The following CNTNAP2 variants were observed in gnomAD, a reference collection of about 807,000 sequenced individuals.
CNTNAP2 encodes the protein contactin associated protein 2, also known as contactin-associated protein-like 2.
A neutral mutation model predicts 155.2 loss-of-function variants in CNTNAP2; 98 were observed. The ratio of observed to expected loss-of-function variants is 0.63; its 90% CI spans 0.54 to 0.75. CNTNAP2 has a LOEUF of 0.75. Ranked by LOEUF, CNTNAP2 falls within the 30% of genes least tolerant of loss-of-function variation. The pLI is 0.00. For missense variants in CNTNAP2, 1,727 were observed against 1,688.1 expected (o/e 1.02, Z -0.40); for synonymous variants, 651 against 631.2 (o/e 1.03, Z -0.47).
At chr7:147,789,805 A>G (rs903172139) in intron 13 of CNTNAP2, among the ~76,000 whole-genome samples, 1 of 152,144 alleles carries the variant, frequency 6.6e-6, no homozygotes, top group African/African-American at 2.4e-5. Context: ...CTTGAACATC[A>G]GATTCCAAGT....
At chr7:147,396,167 CATATATATATATAGCATAT>C (rs1413050243) in intron 10 of CNTNAP2, among the ~76,000 whole-genome samples, 1 of 91,398 alleles carries the variant, frequency 1.1e-5, no homozygotes, top group East Asian at 2.8e-4. Flanking sequence ...TGAGATATAT[CATATATATATATAGCATAT>C]ATATATATAT....
chr7:147,584,618 T>A (rs538284060), intron 12 of CNTNAP2, among the ~76,000 whole-genome samples: 1 of 152,338 alleles, frequency 6.6e-6, no homozygotes, highest in African/African-American at 2.4e-5. Flanking sequence ...AATACAAATT[T>A]GTGTAGATAA....
At chr7:147,582,294 A>G (rs1239758523) in intron 12 of CNTNAP2, among the ~76,000 whole-genome samples, 4 of 152,156 alleles carry the variant, frequency 2.6e-5, no homozygotes, top group East Asian at 1.9e-4. Context: ...TCACTTTACT[A>G]AAATGTAATC....
At chr7:146,738,577 AG>A (rs1801658818) in intron 1 of CNTNAP2, among the ~76,000 whole-genome samples, 1 of 151,604 alleles carries the variant, frequency 6.6e-6, no homozygotes, top group Non-Finnish European at 1.5e-5. Flanking sequence ...ATATCTAAAA[AG>A]TTTTATTGCC....
At chr7:147,453,567 G>A (rs897040189) in intron 10 of CNTNAP2, among the ~76,000 whole-genome samples, 38 of 152,190 alleles carry the variant, frequency 2.5e-4, no homozygotes, top group African/African-American at 8.2e-4. Flanking sequence ...TGAATTAGGC[G>A]TTATATTCTA....
intron 9 of CNTNAP2, among the ~76,000 whole-genome samples, chr7:147,367,789 T>C (rs1304045853): frequency 6.6e-6 from 1 of 152,046 alleles, no homozygotes; most frequent in Admixed American, 6.6e-5. Flanking sequence ...TTTTTGTAAA[T>C]TATCATTTTT....
chr7:146,291,806 G>T (rs954913459), intron 1 of CNTNAP2, among the ~76,000 whole-genome samples: 2 of 152,088 alleles, frequency 1.3e-5, no homozygotes, highest in African/African-American at 4.8e-5. Context: ...ATATCTATGA[G>T]GTATAAGTCT....
intron 1 of CNTNAP2, among the ~76,000 whole-genome samples, chr7:146,171,304 G>A (rs1026340254): frequency 2.0e-5 from 3 of 151,922 alleles, no homozygotes; most frequent in Middle Eastern, 3.2e-3. Context: ...TAATTATTGC[G>A]TTTGGTAGTT....
intron 13 of CNTNAP2, among the ~76,000 whole-genome samples, chr7:147,646,276 T>A (rs1419469211): frequency 6.6e-6 from 1 of 152,200 alleles, no homozygotes; most frequent in Non-Finnish European, 1.5e-5. Flanking sequence ...AAGGCTTACC[T>A]TGTTTATTAA....
chr7:147,132,780 T>C (rs1056528171), intron 8 of CNTNAP2, among the ~76,000 whole-genome samples: 6 of 152,134 alleles, frequency 3.9e-5, no homozygotes, highest in Non-Finnish European at 7.4e-5. Flanking sequence ...TTTTAATAGA[T>C]AAATTGCTCT....
intron 8 of CNTNAP2, among the ~76,000 whole-genome samples, chr7:147,195,038 G>T (rs1639879696): frequency 6.6e-6 from 1 of 152,100 alleles, no homozygotes; most frequent in Admixed American, 6.6e-5. Flanking sequence ...TTCTTCAAGG[G>T]TTTTTATGGT....
At chr7:146,279,519 T>A (rs1584844693) in intron 1 of CNTNAP2, among the ~76,000 whole-genome samples, 1 of 151,930 alleles carries the variant, frequency 6.6e-6, no homozygotes, top group African/African-American at 2.4e-5. Context: ...CCTATTTGTA[T>A]CCACATTTAT....
At chr7:146,125,171 G>A (rs1797616670) in intron 1 of CNTNAP2, among the ~76,000 whole-genome samples, 1 of 152,120 alleles carries the variant, frequency 6.6e-6, no homozygotes, top group Non-Finnish European at 1.5e-5. Flanking sequence ...GTATATGTAA[G>A]TTTTATTTAT....
At chr7:147,071,735 C>G (rs6464781) in intron 4 of CNTNAP2, among the ~76,000 whole-genome samples, 108,587 of 152,100 alleles carry the variant, frequency 0.71, 38,764 homozygotes, top group East Asian at 0.74. Context: ...CAGAATGAAT[C>G]AACTAGCAAG....
chr7:148,013,814 G>C (rs1802124752), intron 15 of CNTNAP2, among the ~76,000 whole-genome samples: 1 of 152,106 alleles, frequency 6.6e-6, no homozygotes, highest in Non-Finnish European at 1.5e-5. Context: ...ATAAAGTTAA[G>C]TAACAGCATG....
intron 8 of CNTNAP2, among the ~76,000 whole-genome samples, chr7:147,158,037 A>G (rs999279054): frequency 1.3e-5 from 2 of 152,086 alleles, no homozygotes; most frequent in Non-Finnish European, 2.9e-5. Flanking sequence ...TAATAAAAAC[A>G]CTCAGCTAAA....
intron 13 of CNTNAP2, among the ~76,000 whole-genome samples, chr7:147,642,901 CT>C (rs1795304136): frequency 6.6e-6 from 1 of 152,120 alleles, no homozygotes; most frequent in South Asian, 2.1e-4. Context: ...CAAATGTTTG[CT>C]GATTCAAATG....
intron 15 of CNTNAP2, among the ~76,000 whole-genome samples, chr7:148,061,996 TAGATAGATAGATGATAGAG>T (rs1803160348): frequency 8.4e-6 from 1 of 119,736 alleles, no homozygotes; most frequent in Admixed American, 8.5e-5. Context: ...GATAGATAGA[TAGATAGATAGATGATAGAG>T]AGAGAGAGAG....
intron 1 of CNTNAP2, among the ~76,000 whole-genome samples, chr7:146,278,911 G>C (rs991884559): frequency 8.5e-5 from 13 of 152,144 alleles, no homozygotes; most frequent in African/African-American, 1.2e-4. Context: ...GTTTAGATGA[G>C]TATGTCGGAG....
Sources: allele counts gnomAD v4.1 joint callset (sites outside exome capture counted in the v4.1 genomes callset), GRCh38; gene constraint gnomAD v4.1.1; transcripts MANE v1.5; gene names NCBI Gene and HGNC (gene_info 2026-07-23, HGNC 2026-07-21).